Variants in STAG1 observed in about 807,000 individuals in gnomAD.
STAG1 encodes STAG1 cohesin complex component.
In STAG1, 26 loss-of-function variants were observed where a neutral mutation model predicts 170.9. The observed-to-expected ratio is 0.15, with a 90% CI of 0.11 to 0.21. The LOEUF is 0.21. STAG1 is among the 10% of genes least tolerant of loss of function. The pLI is 1.00. For synonymous variants in STAG1, 514 were observed against 497.7 expected, an observed-to-expected ratio of 1.03 and a Z score of -0.44; for missense variants, 964 against 1,509.5, an observed-to-expected ratio of 0.64 and a Z score of 5.99.
intron 4 of STAG1, among the ~76,000 whole-genome samples, chr3:136,596,049 A>G (rs1302226185): frequency 6.6e-6 from 1 of 151,964 alleles, no homozygotes; most frequent in African/African-American, 2.4e-5. Context: ...CTAAACTCCT[A>G]CTCCTGGTGA....
chr3:136,542,279 GT>G (rs1935947655), intron 5 of STAG1, 84 bp from the exon 6 acceptor site: 2 of 970,276 alleles, frequency 2.1e-6, no homozygotes, highest in Non-Finnish European at 3.2e-6. Context: ...CAAGTTATCT[GT>G]GAGAATCCCA....
chr3:136,500,686 C>T (rs976514117), intron 8 of STAG1, among the ~76,000 whole-genome samples: 26 of 152,150 alleles, frequency 1.7e-4, no homozygotes, highest in Non-Finnish European at 2.9e-5. Flanking sequence ...ATTTGCTGTT[C>T]TAAAAGTAAC....
At chr3:136,586,865 T>C (rs1181330154) in intron 4 of STAG1, 1 of 456,646 alleles carries the variant, frequency 2.2e-6, no homozygotes, top group South Asian at 1.5e-5. Flanking sequence ...TTCTAAGAAG[T>C]AGACACTGCT....
intron 9 of STAG1, among the ~76,000 whole-genome samples, chr3:136,496,136 C>T (rs533079334): frequency 6.6e-6 from 1 of 152,142 alleles, no homozygotes; most frequent in South Asian, 2.1e-4. Context: ...AAGAGGGAGA[C>T]TCCGTCTCAA....
intron 6 of STAG1, among the ~76,000 whole-genome samples, chr3:136,528,157 T>G (rs913231776): frequency 6.6e-6 from 1 of 152,198 alleles, no homozygotes; most frequent in Non-Finnish European, 1.5e-5. Flanking sequence ...TGCTGCGTTT[T>G]GTTCAGCTAT....
At chr3:136,513,785 C>T (rs187411488) in intron 7 of STAG1, among the ~76,000 whole-genome samples, 1 of 151,846 alleles carries the variant, frequency 6.6e-6, no homozygotes, top group Non-Finnish European at 1.5e-5. Context: ...AAAAAATATG[C>T]TACACAAAAA....
At chr3:136,369,571 AAT>A (rs1937212765) in intron 23 of STAG1, among the ~76,000 whole-genome samples, 1 of 152,160 alleles carries the variant, frequency 6.6e-6, no homozygotes, top group Non-Finnish European at 1.5e-5. Context: ...ACTTTTAAAA[AAT>A]GAGTTTAAGC....
In STAG1 at chr3:136,366,952, G is replaced by A. The variant is rs1185890174; in HGVS notation, c.2676C>T (p.His892=). ...DMHAAADIFK[H]YMKYYNDYGD... is the part of the protein sequence containing the mutation. ...GAATATTTAACTATACCTTCATGTA[G>A]TGTTTGAAGATGTCTGCAGCTGCAT... Residue 892 remains histidine (H), a synonymous_variant, in exon 25 of 34, where the codon CAC becomes CAT. Coordinates refer to ENST00000383202, the MANE Select transcript of STAG1 (RefSeq NM_005862.3). 1.3e-6 allele frequency: 2 copies of A among 1,597,538 alleles called. No individual in the cohort carries two copies. Among genetic ancestry groups the A allele is most frequent in the Non-Finnish European group, 8.5e-7 (1 of 1,169,652 alleles).
chr3:136,477,278 G>C lies in STAG1; in HGVS notation c.1026+11C>G, dbSNP rs1481133755. 5 of 1,607,492 alleles carry C rather than the reference G, an allele frequency of 3.1e-6. No homozygotes were observed. The highest frequency in any genetic ancestry group is 4.5e-5 in the East Asian group (2 of 44,598). The stretch of plus-strand genomic sequence containing the variant: ...ATAACTTCCATCAAAGCTTAGAACA[G>C]AGTAACTTACCCTGTCATGAAGAGT... On this transcript the variant is annotated intron_variant, in intron 10 of 33. Coordinates refer to ENST00000383202, the MANE Select transcript of STAG1 (RefSeq NM_005862.3).
At chr3:136,580,284 TC>T (rs1937563037) in intron 4 of STAG1, among the ~76,000 whole-genome samples, 1 of 150,514 alleles carries the variant, frequency 6.6e-6, no homozygotes, top group Non-Finnish European at 1.5e-5. Flanking sequence ...TTTGTTTAAG[TC>T]ATGTACATGT....
intron 25 of STAG1, 79 bp from the exon 26 acceptor site, chr3:136,363,546 T>C: frequency 2.2e-6 from 1 of 458,688 alleles, no homozygotes; most frequent in Non-Finnish European, 3.7e-6. Flanking sequence ...TGTCACCTCC[T>C]TTGAAAATGA....
chr3:136,494,249 TGACA>T (rs1438261714), intron 9 of STAG1, among the ~76,000 whole-genome samples: 9 of 152,066 alleles, frequency 5.9e-5, no homozygotes, highest in South Asian at 2.1e-4. Flanking sequence ...CCAGGCAGGG[TGACA>T]GACAGAGACC....
intron 9 of STAG1, among the ~76,000 whole-genome samples, chr3:136,479,211 A>G (rs1439853317): frequency 2.9e-5 from 4 of 140,152 alleles, no homozygotes; most frequent in Non-Finnish European, 6.2e-5. Context: ...ATATCTCCCA[A>G]TGCTATCCCT....
At chr3:136,362,328 G>T (rs1218147633) in intron 26 of STAG1, among the ~76,000 whole-genome samples, 1 of 151,764 alleles carries the variant, frequency 6.6e-6, no homozygotes, top group Non-Finnish European at 1.5e-5. Flanking sequence ...CATATCCCTC[G>T]CTCACTTTTC....
intron 12 of STAG1, 53 bp downstream of exon 12, chr3:136,472,360 G>A: frequency 7.4e-7 from 1 of 1,342,540 alleles, no homozygotes; most frequent in Non-Finnish European, 1.1e-6. Context: ...AAAATCCTGG[G>A]GAAAAGGTAT....
At chr3:136,508,394 C>T (rs1447027744) in intron 7 of STAG1, among the ~76,000 whole-genome samples, 2 of 152,100 alleles carry the variant, frequency 1.3e-5, no homozygotes, top group East Asian at 1.9e-4. Context: ...AAGGCTGCAA[C>T]ATAAAGTCCT....
intron 6 of STAG1, among the ~76,000 whole-genome samples, chr3:136,537,505 G>GTTTT (rs112443777): frequency 7.6e-6 from 1 of 131,874 alleles, no homozygotes; most frequent in Non-Finnish European, 1.6e-5. Flanking sequence ...TTTTTTTTTT[G>GTTTT]TTTTTTTTTT....
intron 15 of STAG1, among the ~76,000 whole-genome samples, chr3:136,435,441 C>CAAA (rs1411115230): frequency 1.1e-4 from 16 of 152,112 alleles, no homozygotes; most frequent in Non-Finnish European, 2.9e-5. Context: ...ACTGTCTTTT[C>CAAA]AGCATAAGCT....
Position 136,343,876 on chromosome 3 carries a change from T to G in STAG1, c.3402A>C (p.Gln1134His). 1 of 1,599,702 alleles carries G rather than the reference T, an allele frequency of 6.3e-7. No individual in the cohort carries two copies. The highest frequency in any genetic ancestry group is 8.5e-7 in the Non-Finnish European group (1 of 1,173,604). ...CAGAACCATGTTCAGACTCAGGTTCTTGAATCTGGTCTCCCATGGGCCGAC... is the reference window on the plus strand; with the variant it reads ...CAGAACCATGTTCAGACTCAGGTTCGTGAATCTGGTCTCCCATGGGCCGAC... ...ENSRPMGDQI[Q>H]EPESEHGSEP... is the part of the protein sequence containing the mutation. The change falls in exon 30 of 34, where the codon CAA becomes CAC. Residue 1134 changes from glutamine to histidine, a missense_variant. Gln to His is a conservative substitution (Grantham distance 24, BLOSUM62 0). Transcript: ENST00000383202.
Sources: allele counts gnomAD v4.1 joint callset (sites outside exome capture counted in the v4.1 genomes callset), GRCh38; gene constraint gnomAD v4.1.1; transcripts MANE v1.5; gene names NCBI Gene and HGNC (gene_info 2026-07-23, HGNC 2026-07-21).